Variants in TXNRD1 observed in about 807,000 individuals in gnomAD.
TXNRD1 encodes the protein thioredoxin reductase 1, also known as thioredoxin reductase 1, cytoplasmic.
A neutral mutation model predicts 80.3 loss-of-function variants in TXNRD1; 57 were observed. The observed-to-expected ratio is 0.71, with a 90% CI of 0.57 to 0.89. TXNRD1 has a LOEUF of 0.89. TXNRD1 is among the 40% of genes least tolerant of loss of function. The probability of loss-of-function intolerance (pLI) is 0.00; values close to 1 mark genes in which losing one functional copy is unlikely to be tolerated. For missense variants in TXNRD1, 730 were observed against 803.0 expected (o/e 0.91, Z 1.10); for synonymous variants, 291 against 285.2 (o/e 1.02, Z -0.20).
At chr12:104,253,194 C>T (rs1337326430) in intron 2 of TXNRD1, among the ~76,000 whole-genome samples, 5 of 152,020 alleles carry the variant, frequency 3.3e-5, no homozygotes, top group Non-Finnish European at 7.4e-5. Flanking sequence ...TCTGTGCACA[C>T]GTGCACTTTT....
chr12:104,275,669 C>T (rs4246267), intron 3 of TXNRD1, among the ~76,000 whole-genome samples: 102,918 of 152,030 alleles, frequency 0.68, 34,991 homozygotes, highest in East Asian at 0.85. Flanking sequence ...AGGCATGAGC[C>T]ACTGCACCCA....
intron 4 of TXNRD1, among the ~76,000 whole-genome samples, chr12:104,301,411 C>T: frequency 6.6e-6 from 1 of 152,238 alleles, no homozygotes. Context: ...GATCTTGGCT[C>T]ACTGCAAGCT....
intron 15 of TXNRD1, among the ~76,000 whole-genome samples, chr12:104,335,001 C>A (rs2036084936): frequency 6.6e-6 from 1 of 152,186 alleles, no homozygotes; most frequent in Non-Finnish European, 1.5e-5. Flanking sequence ...GCAGCTGGCA[C>A]TACTAAGAAA....
intron 4 of TXNRD1, among the ~76,000 whole-genome samples, chr12:104,303,382 C>T (rs927296274): frequency 1.3e-5 from 2 of 152,202 alleles, no homozygotes; most frequent in Non-Finnish European, 2.9e-5. Context: ...TACAGTCCAG[C>T]CAGATTTAGT....
At chr12:104,325,611 C>T (rs1031185785) in intron 11 of TXNRD1, among the ~76,000 whole-genome samples, 182 bp downstream of exon 11, 8 of 152,138 alleles carry the variant, frequency 5.3e-5, no homozygotes, top group Admixed American at 5.2e-4. Flanking sequence ...TGTTAGCTCA[C>T]GCCTGTAATC....
chr12:104,300,728 A>G (rs1228988801), intron 4 of TXNRD1, among the ~76,000 whole-genome samples: 1 of 151,792 alleles, frequency 6.6e-6, no homozygotes, highest in East Asian at 1.9e-4. Flanking sequence ...CTGGAGTGCA[A>G]TGGTGCAATC....
chr12:104,229,198 A>G (rs11610724), intron 1 of TXNRD1, among the ~76,000 whole-genome samples: 8,009 of 124,814 alleles, frequency 0.064, 343 homozygotes, highest in Admixed American at 0.18. Flanking sequence ...CCCAGGCTGG[A>G]GTGTAGTGGT....
chr12:104,217,842 CTT>C (rs1462117097), intron 1 of TXNRD1, among the ~76,000 whole-genome samples: 1 of 152,072 alleles, frequency 6.6e-6, no homozygotes, highest in African/African-American at 2.4e-5. Context: ...CAGTGTCTGT[CTT>C]TTTGTGACTG....
At chr12:104,312,938 G>C (rs1227517204) in intron 5 of TXNRD1, among the ~76,000 whole-genome samples, 2 of 127,020 alleles carry the variant, frequency 1.6e-5, no homozygotes, top group Non-Finnish European at 3.6e-5. Context: ...CTTTTTTCAG[G>C]TTATTGCTGA....
intron 1 of TXNRD1, among the ~76,000 whole-genome samples, chr12:104,224,627 G>C (rs530755737): frequency 6.6e-6 from 1 of 152,082 alleles, no homozygotes; most frequent in Non-Finnish European, 1.5e-5. Flanking sequence ...CTTGTGATCT[G>C]CCTGCCTTGG....
At position 104,339,264 on chromosome 12, in the gene TXNRD1, C is replaced by T. The variant is rs768321437; in HGVS notation, c.1872C>T (p.Val624=). The T allele has an allele frequency of 6.2e-7, 1 of 1,613,726 alleles. No homozygotes were observed. The highest frequency in any genetic ancestry group is 1.7e-5 in the Admixed American group (1 of 60,010). ...ACAGCACAATTGGAATCCACCCTGT[C>T]TGTGCAGAGGTGGGTCATCTACACT... ...QLDSTIGIHP[V]CAEVFTTLSV... is the part of the protein sequence containing the mutation. The change falls in exon 16 of 17, where the codon GTC becomes GTT. Residue 624 remains valine (V), a synonymous_variant. Transcript: ENST00000525566.
intron 1 of TXNRD1, among the ~76,000 whole-genome samples, chr12:104,251,189 G>T (rs2033110594): frequency 6.6e-6 from 1 of 152,114 alleles, no homozygotes; most frequent in Non-Finnish European, 1.5e-5. Flanking sequence ...AACCATGGTT[G>T]GGAATAGAGA....
intron 2 of TXNRD1, among the ~76,000 whole-genome samples, chr12:104,253,990 G>C (rs1456834396): frequency 6.6e-6 from 1 of 152,128 alleles, no homozygotes; most frequent in Non-Finnish European, 1.5e-5. Context: ...ACTGCGCCCA[G>C]CCTGAGGGTT....
In TXNRD1 at chr12:104,248,587, A is replaced by G. The variant is rs538180814; in HGVS notation, c.92-2940A>G. On this transcript the variant is annotated intron_variant, in intron 1 of 16. Coordinates refer to ENST00000525566, the MANE Select transcript of TXNRD1 (RefSeq NM_001093771.3). The stretch of plus-strand genomic sequence containing the variant: ...GCGGGTGTGAGCCACGCGCCTGGCC[A>G]CACACACAAATATGCATGCTTAGGC... Among the ~76,000 whole-genome samples, 62 of 152,282 alleles carry G rather than the reference A, an allele frequency of 4.1e-4. 2 individuals carry two copies. The highest frequency in any genetic ancestry group is 4.1e-3 in the Admixed American group (62 of 15,284).
At chr12:104,311,628 G>A (rs1263504348) in intron 5 of TXNRD1, among the ~76,000 whole-genome samples, 3 of 152,100 alleles carry the variant, frequency 2.0e-5, no homozygotes, top group Non-Finnish European at 4.4e-5. Flanking sequence ...AAAGTATAGG[G>A]CCCAGTATTT....
intron 4 of TXNRD1, among the ~76,000 whole-genome samples, chr12:104,309,099 C>T (rs990433275): frequency 1.3e-5 from 2 of 151,928 alleles, no homozygotes; most frequent in African/African-American, 2.4e-5. Context: ...GGGGTTTCAC[C>T]GTGTTGCCCA....
intron 4 of TXNRD1, among the ~76,000 whole-genome samples, chr12:104,305,582 A>G (rs998489127): frequency 3.3e-5 from 5 of 152,244 alleles, no homozygotes; most frequent in Admixed American, 3.3e-4. Flanking sequence ...AGGCAAGAGA[A>G]TAGCAAGGTC....
intron 3 of TXNRD1, chr12:104,287,217 G>GT: frequency 6.2e-7 from 1 of 1,610,320 alleles, no homozygotes; most frequent in Non-Finnish European, 8.5e-7. Context: ...GGGTGCAGCA[G>GT]TGTGCGTCTC....
At chr12:104,323,275 A>C (rs1297819643) in intron 10 of TXNRD1, among the ~76,000 whole-genome samples, 9 of 148,022 alleles carry the variant, frequency 6.1e-5, no homozygotes, top group African/African-American at 2.3e-4. Flanking sequence ...CTATTCCACA[A>C]AGCCGCCATT....
Sources: gnomAD v4.1 joint callset for allele counts (sites outside exome capture counted in the v4.1 genomes callset) on GRCh38, gnomAD v4.1.1 for gene constraint, MANE v1.5 for transcripts, NCBI Gene and HGNC (gene_info 2026-07-23, HGNC 2026-07-21) for gene names.